HHAT: variants seen among roughly 807,000 people sequenced by gnomAD.
The protein encoded by HHAT is protein-cysteine N-palmitoyltransferase HHAT.
A neutral mutation model predicts 70.8 loss-of-function variants in HHAT; 47 were observed. The observed-to-expected ratio is 0.66, with a 90% CI of 0.53 to 0.85. The LOEUF is 0.85. HHAT is among the 40% of genes least tolerant of loss of function. The pLI is 0.00. For synonymous variants in HHAT, 228 were observed against 247.6 expected, an observed-to-expected ratio of 0.92 and a Z score of 0.74; for missense variants, 609 against 604.8, an observed-to-expected ratio of 1.01 and a Z score of -0.07.
At chr1:210,619,436 G>A (rs1382408258) in intron 10 of HHAT, among the ~76,000 whole-genome samples, 1 of 152,140 alleles carries the variant, frequency 6.6e-6, no homozygotes, top group Non-Finnish European at 1.5e-5. Context: ...CCTGGTGGTT[G>A]AATACTGTGA....
At chr1:210,565,470 G>A (rs1008756126) in intron 9 of HHAT, among the ~76,000 whole-genome samples, 1 of 152,176 alleles carries the variant, frequency 6.6e-6, no homozygotes, top group African/African-American at 2.4e-5. Flanking sequence ...TATATGGTTA[G>A]GAAAACAATG....
intron 3 of HHAT, among the ~76,000 whole-genome samples, chr1:210,383,716 G>T (rs1375366911): frequency 6.6e-6 from 1 of 152,126 alleles, no homozygotes; most frequent in East Asian, 1.9e-4. Context: ...GGGTTAAGGG[G>T]TCTATGGGAA....
chr1:210,360,414 A>G (rs2006016), intron 2 of HHAT, among the ~76,000 whole-genome samples: 151,335 of 152,084 alleles, frequency 1, 75,296 homozygotes, highest in East Asian at 1. Context: ...GGGTTCAAGC[A>G]ATTCTCTTGC....
At chr1:210,406,056 A>G (rs951923314) in intron 6 of HHAT, among the ~76,000 whole-genome samples, 8 of 152,106 alleles carry the variant, frequency 5.3e-5, no homozygotes, top group African/African-American at 1.9e-4. Flanking sequence ...TCTAGGGATA[A>G]AGCCCAGGAA....
intron 10 of HHAT, among the ~76,000 whole-genome samples, chr1:210,611,460 A>G (rs1426128420): frequency 6.6e-6 from 1 of 151,928 alleles, no homozygotes; most frequent in Non-Finnish European, 1.5e-5. Context: ...TCCAAAGATA[A>G]TTTGACTTCC....
intron 10 of HHAT, among the ~76,000 whole-genome samples, chr1:210,592,971 C>G (rs1662097025): frequency 6.6e-6 from 1 of 151,196 alleles, no homozygotes; most frequent in Admixed American, 6.6e-5. Context: ...TGTTGGTGTG[C>G]TGCACCCATT....
At chr1:210,424,233 C>G (rs2092991112) in intron 7 of HHAT, among the ~76,000 whole-genome samples, 1 of 152,042 alleles carries the variant, frequency 6.6e-6, no homozygotes, top group African/African-American at 2.4e-5. Flanking sequence ...CAGCGTTTTG[C>G]AGTTTTCCTT....
intron 1 of HHAT, among the ~76,000 whole-genome samples, chr1:210,336,147 T>A (rs2085462474): frequency 6.6e-6 from 1 of 152,046 alleles, no homozygotes; most frequent in Admixed American, 6.5e-5. Flanking sequence ...GGAGACAGGA[T>A]CTCGCTCTGT....
At chr1:210,430,877 G>A (rs11119494) in intron 7 of HHAT, among the ~76,000 whole-genome samples, 4,681 of 151,752 alleles carry the variant, frequency 0.031, 366 homozygotes, top group African/African-American at 0.11. Flanking sequence ...TATCTGTGAG[G>A]TCTTATAGTT....
At chr1:210,523,150 AC>A (rs1389257255) in intron 9 of HHAT, among the ~76,000 whole-genome samples, 2 of 151,984 alleles carry the variant, frequency 1.3e-5, no homozygotes, top group Non-Finnish European at 2.9e-5. Context: ...CCTCCTCAGA[AC>A]CAGACTTTAT....
At chr1:210,327,976 C>T (rs1345736474), upstream of HHAT, among the ~76,000 whole-genome samples, 1 of 152,146 alleles carries the variant, frequency 6.6e-6, no homozygotes, top group Non-Finnish European at 1.5e-5. Context: ...TTGGAGAGTT[C>T]ATACTCTGGT....
chr1:210,482,883 T>C (rs1240339604), intron 8 of HHAT, among the ~76,000 whole-genome samples: 1 of 152,214 alleles, frequency 6.6e-6, no homozygotes, highest in Non-Finnish European at 1.5e-5. Context: ...TGTAATGTGT[T>C]CATGACAGTA....
chr1:210,507,856 G>T (rs907466217), intron 8 of HHAT, among the ~76,000 whole-genome samples: 1 of 151,860 alleles, frequency 6.6e-6, no homozygotes, highest in Non-Finnish European at 1.5e-5. Context: ...AAAATTTGAG[G>T]TGATGGATAT....
intron 11 of HHAT, among the ~76,000 whole-genome samples, chr1:210,628,263 A>G (rs1231441619): frequency 6.6e-6 from 1 of 152,124 alleles, no homozygotes; most frequent in African/African-American, 2.4e-5. Context: ...ATGGGTGCAG[A>G]ATGGTGCTTC....
chr1:210,417,755 C>T (rs1250998979), intron 6 of HHAT, among the ~76,000 whole-genome samples: 3 of 152,152 alleles, frequency 2.0e-5, no homozygotes, highest in Non-Finnish European at 2.9e-5. Flanking sequence ...TTGCCAGCCT[C>T]AGACATGAGT....
intron 7 of HHAT, among the ~76,000 whole-genome samples, chr1:210,442,285 A>G (rs1371798945): frequency 1.5e-5 from 2 of 132,370 alleles, no homozygotes; most frequent in Admixed American, 8.0e-5. Context: ...AGTCTTTGCT[A>G]TTGTGAATAA....
intron 2 of HHAT, among the ~76,000 whole-genome samples, chr1:210,357,765 A>C (rs1013635871): frequency 6.6e-5 from 10 of 152,214 alleles, no homozygotes; most frequent in African/African-American, 2.4e-4. Context: ...GCTTGCGGTG[A>C]GCCGAGTTCG....
At chr1:210,329,175 T>TA in intron 1 of HHAT, 71 bp downstream of exon 1, 1 of 1,238,056 alleles carries the variant, frequency 8.1e-7, no homozygotes, top group Non-Finnish European at 1.0e-6. Context: ...GTTTACTCTG[T>TA]TAAAAAAAAA....
intron 2 of HHAT, among the ~76,000 whole-genome samples, chr1:210,356,232 T>C (rs533076017): frequency 1.3e-5 from 2 of 152,278 alleles, no homozygotes; most frequent in Admixed American, 1.3e-4. Context: ...TATTTTCTAA[T>C]GAAAAGCAGC....
Sources: gnomAD v4.1 joint callset for allele counts (sites outside exome capture counted in the v4.1 genomes callset) on GRCh38, gnomAD v4.1.1 for gene constraint, MANE v1.5 for transcripts, NCBI Gene and HGNC (gene_info 2026-07-23, HGNC 2026-07-21) for gene names.